ASTN2: variants seen among roughly 807,000 people sequenced by gnomAD.
ASTN2 encodes astrotactin-2.
A neutral mutation model predicts 139.8 loss-of-function variants in ASTN2; 54 were observed. The ratio of observed to expected loss-of-function variants is 0.39; its 90% confidence interval spans 0.31 to 0.48. The LOEUF (loss-of-function observed/expected upper bound fraction) is 0.48. Among genes scored for constraint, ASTN2 ranks in the 20% least tolerant of loss-of-function variants. The pLI, the probability that ASTN2 is intolerant of heterozygous loss-of-function variation, is 0.95. For synonymous variants in ASTN2, 756 were observed against 719.5 expected (o/e 1.05, Z -0.81); for missense variants, 1,565 against 1,725.1 (o/e 0.91, Z 1.64).
intron 20 of ASTN2, among the ~76,000 whole-genome samples, chr9:116,478,358 T>C (rs1298657122): frequency 6.6e-6 from 1 of 151,772 alleles, no homozygotes; most frequent in Non-Finnish European, 1.5e-5. Flanking sequence ...AAGTTCACAA[T>C]GGGAAGAAAA....
At chr9:117,011,838 C>A (rs367672736) in intron 6 of ASTN2, among the ~76,000 whole-genome samples, 7 of 152,132 alleles carry the variant, frequency 4.6e-5, no homozygotes, top group African/African-American at 1.7e-4. Context: ...TTTCAGCCTT[C>A]GAAGCTGGAA....
In ASTN2 at chr9:116,597,299, A is replaced by ATTTTTGTTTTTTTTTTTT. The variant is rs1554718677; in HGVS notation, c.3355+21024_3355+21025insAAAAAAAAAAAACAAAAA. ...CAAAATATTCCATGACTTTTGATCTATTTTTTTTTTTTTTTTTTTTTTTTG... is the reference window on the plus strand; with the variant it reads ...CAAAATATTCCATGACTTTTGATCTATTTTTGTTTTTTTTTTTTTTTTTTTTTTTTTTTTTTTTTTTTG... On this transcript the variant is annotated intron_variant, in intron 19 of 22. Transcript: ENST00000313400. 5.4e-4 allele frequency among the ~76,000 whole-genome samples: 41 copies of ATTTTTGTTTTTTTTTTTT among 75,530 alleles called. 9 individuals are homozygous for ATTTTTGTTTTTTTTTTTT. The highest frequency in any genetic ancestry group is 1.9e-3 in the South Asian group (3 of 1,550). 49.6% of individuals were successfully genotyped at this position (75,530 alleles called of 152,430 possible). A position where few individuals can be genotyped will look rare whatever the true frequency, so the allele number is the denominator to read the frequency against.
At chr9:116,861,480 C>T (rs7867552) in intron 11 of ASTN2, among the ~76,000 whole-genome samples, 33,518 of 152,094 alleles carry the variant, frequency 0.22, 4,039 homozygotes, top group African/African-American at 0.32. Flanking sequence ...CCTCCTCTCC[C>T]CAACTAGCAC....
rs912483324 is a variant in ASTN2 at position 116,487,294 on chromosome 9, C to T, written c.3497+65G>A. 3.8e-6 allele frequency: 6 copies of T among 1,584,664 alleles called. No homozygotes were observed. The African/African-American group carries it at 8.1e-5, about 21-fold the overall frequency. On this transcript the variant is annotated intron_variant, in intron 20 of 22. Coordinates refer to ENST00000313400, the MANE Select transcript of ASTN2 (RefSeq NM_001365068.1). The stretch of plus-strand genomic sequence containing the variant: ...CTGGCCTGCACAGAATAACTCATGC[C>T]ATTCCTCTTAGGCTTAAAATCATCC...
chr9:117,048,988 A>G (rs1343856714), intron 5 of ASTN2, among the ~76,000 whole-genome samples: 3 of 22,570 alleles, frequency 1.3e-4, no homozygotes, highest in African/African-American at 4.4e-4. Context: ...TTTGAGACGG[A>G]GTCTTGCTCT....
intron 19 of ASTN2, among the ~76,000 whole-genome samples, chr9:116,511,638 T>G (rs902936145): frequency 2.0e-5 from 3 of 152,144 alleles, no homozygotes; most frequent in Non-Finnish European, 1.5e-5. Flanking sequence ...GGTACTGGAC[T>G]TTTTTTGGTT....
chr9:117,077,232 A>T (rs923555032), intron 5 of ASTN2, among the ~76,000 whole-genome samples: 2 of 152,122 alleles, frequency 1.3e-5, no homozygotes, highest in African/African-American at 4.8e-5. Flanking sequence ...CTGCATTAGC[A>T]CAGAGAGGAG....
intron 1 of ASTN2, among the ~76,000 whole-genome samples, chr9:117,306,855 CCCTAATT>C (rs973916288): frequency 4.6e-5 from 7 of 152,142 alleles, no homozygotes; most frequent in Non-Finnish European, 8.8e-5. Flanking sequence ...ATAACCACCA[CCCTAATT>C]CCTATCTACT....
chr9:116,963,309 G>A (rs1835920216), intron 10 of ASTN2, among the ~76,000 whole-genome samples: 1 of 152,144 alleles, frequency 6.6e-6, no homozygotes, highest in Non-Finnish European at 1.5e-5. Context: ...CAGAGGGAGA[G>A]CACTGGCAAA....
intron 17 of ASTN2, among the ~76,000 whole-genome samples, chr9:116,636,225 G>A (rs1857067340): frequency 6.6e-6 from 1 of 152,186 alleles, no homozygotes; most frequent in Non-Finnish European, 1.5e-5. Flanking sequence ...TACCTACTAT[G>A]TATATGGCAC....
intron 13 of ASTN2, among the ~76,000 whole-genome samples, chr9:116,763,435 C>A (rs1829725664): frequency 6.6e-6 from 1 of 152,126 alleles, no homozygotes; most frequent in Non-Finnish European, 1.5e-5. Flanking sequence ...GTTCACACAA[C>A]CACTCAGCGC....
chr9:116,817,113 T>C (rs1158342099), intron 12 of ASTN2, among the ~76,000 whole-genome samples: 2 of 151,754 alleles, frequency 1.3e-5, no homozygotes, highest in East Asian at 1.9e-4. Flanking sequence ...GCTAACACGC[T>C]GAAACCCCAT....
At chr9:116,988,945 C>T (rs920722948) in intron 7 of ASTN2, among the ~76,000 whole-genome samples, 2 of 152,170 alleles carry the variant, frequency 1.3e-5, no homozygotes, top group Admixed American at 6.5e-5. Flanking sequence ...CTCTGTTCTC[C>T]CTTATTCATG....
At chr9:117,186,381 C>T (rs1411080745) in intron 3 of ASTN2, among the ~76,000 whole-genome samples, 3 of 83,942 alleles carry the variant, frequency 3.6e-5, no homozygotes, top group African/African-American at 1.1e-4. Context: ...CCCGTCTCTA[C>T]TAAAAAATAC....
chr9:117,092,981 TG>T (rs1828744098), intron 5 of ASTN2, among the ~76,000 whole-genome samples: 1 of 151,856 alleles, frequency 6.6e-6, no homozygotes, highest in Non-Finnish European at 1.5e-5. Context: ...GAAAGGGGAG[TG>T]GCACTGGACA....
chr9:117,131,389 A>G (rs1299142300), intron 4 of ASTN2, among the ~76,000 whole-genome samples: 1 of 152,208 alleles, frequency 6.6e-6, no homozygotes, highest in Admixed American at 6.5e-5. Flanking sequence ...CCTGACTCTG[A>G]TGTAGTAACA....
intron 19 of ASTN2, among the ~76,000 whole-genome samples, chr9:116,616,512 C>T (rs893387188): frequency 6.6e-6 from 1 of 152,136 alleles, no homozygotes; most frequent in African/African-American, 2.4e-5. Context: ...CTCTGTCATA[C>T]GTGTTTATGG....
chr9:116,710,004 GT>G (rs1828103969), intron 16 of ASTN2, among the ~76,000 whole-genome samples: 1 of 152,090 alleles, frequency 6.6e-6, no homozygotes. Flanking sequence ...TCCATTTTTG[GT>G]ACTTGACTGC....
chr9:117,074,730 C>A (rs1828233628), intron 5 of ASTN2, among the ~76,000 whole-genome samples: 1 of 152,142 alleles, frequency 6.6e-6, no homozygotes, highest in African/African-American at 2.4e-5. Context: ...GTATACAATA[C>A]CTCTTTCAAT....
Sources: gnomAD v4.1 joint callset for allele counts (sites outside exome capture counted in the v4.1 genomes callset) on GRCh38, gnomAD v4.1.1 for gene constraint, MANE v1.5 for transcripts, NCBI Gene and HGNC (gene_info 2026-07-23, HGNC 2026-07-21) for gene names.